The following SDK1 variants were observed in gnomAD, a reference collection of about 807,000 sequenced individuals.
The protein encoded by SDK1 is protein sidekick-1.
A neutral mutation model predicts 245.5 loss-of-function variants in SDK1; 157 were observed. The observed-to-expected ratio is 0.64, with a 90% CI of 0.56 to 0.73. The LOEUF is 0.73. SDK1 is among the 30% of genes least tolerant of loss of function. The pLI is 0.00. For missense variants in SDK1, 3,583 were observed against 3,002.3 expected (o/e 1.19, Z -4.52); for synonymous variants, 1,647 against 1,278.5 (o/e 1.29, Z -6.15).
At chr7:4,157,534 A>G in intron 30 of SDK1, among the ~76,000 whole-genome samples, 1 of 140,654 alleles carries the variant, frequency 7.1e-6, no homozygotes, top group Admixed American at 7.1e-5. Context: ...GGAGGGAGGA[A>G]GGAAGGTGGG....
chr7:3,706,888 T>G (rs1490820134), intron 4 of SDK1, among the ~76,000 whole-genome samples: 5 of 152,250 alleles, frequency 3.3e-5, no homozygotes, highest in Non-Finnish European at 1.5e-5. Flanking sequence ...TTTGTATTTC[T>G]GTGCTGTCAG....
At chr7:3,393,639 T>G (rs1781818092) in intron 1 of SDK1, among the ~76,000 whole-genome samples, 1 of 152,200 alleles carries the variant, frequency 6.6e-6, no homozygotes, top group African/African-American at 2.4e-5. Context: ...TGTGATTCTG[T>G]TGCATTCTTC....
At chr7:3,725,411 G>A (rs1336401605) in intron 4 of SDK1, among the ~76,000 whole-genome samples, 2 of 152,126 alleles carry the variant, frequency 1.3e-5, no homozygotes, top group South Asian at 2.1e-4. Context: ...CTGGCTGTTC[G>A]CCTTGCAATC....
At chr7:3,388,799 G>A (rs73052642) in intron 1 of SDK1, among the ~76,000 whole-genome samples, 13,010 of 152,126 alleles carry the variant, frequency 0.086, 745 homozygotes, top group African/African-American at 0.15. Context: ...CTAAGTCAAC[G>A]TGTGTTTATC....
In SDK1 at chr7:3,395,461, A is replaced by C. The variant is rs1207768817; in HGVS notation, c.298+93577A>C. ...TAATAATTTGTCTCGCTTTGCTATC[A>C]GGGTGTTATTGCATCCCATAATGAG... On this transcript the variant is annotated intron_variant, in intron 1 of 44. Transcript: ENST00000404826. Among the ~76,000 whole-genome samples the C allele has an allele frequency of 2.6e-5, 4 of 151,838 alleles. No homozygotes were observed. In the East Asian group the frequency reaches 5.8e-4, roughly 22 times the overall value.
intron 38 of SDK1, 84 bp downstream of exon 38, chr7:4,210,246 C>T: frequency 7.8e-7 from 1 of 1,284,720 alleles, no homozygotes; most frequent in South Asian, 2.3e-5. Flanking sequence ...CCGCACCTGA[C>T]CGCTTCTGTG....
At chr7:4,190,605 C>T (rs368585120) in intron 35 of SDK1, among the ~76,000 whole-genome samples, 21 of 152,250 alleles carry the variant, frequency 1.4e-4, no homozygotes, top group African/African-American at 3.6e-4. Context: ...CAGGTGCCTC[C>T]GCCGTGGGGG....
intron 4 of SDK1, among the ~76,000 whole-genome samples, chr7:3,657,083 C>T (rs1210376633): frequency 1.3e-5 from 2 of 152,110 alleles, no homozygotes; most frequent in African/African-American, 4.8e-5. Context: ...TACCTTCTCC[C>T]CCACAAAGGA....
At chr7:3,377,580 C>T (rs1405038920) in intron 1 of SDK1, among the ~76,000 whole-genome samples, 1 of 152,006 alleles carries the variant, frequency 6.6e-6, no homozygotes, top group Non-Finnish European at 1.5e-5. Context: ...CCACGACTCC[C>T]CGTCTCTGTG....
intron 5 of SDK1, among the ~76,000 whole-genome samples, chr7:3,843,615 A>G (rs1780209737): frequency 6.6e-6 from 1 of 152,212 alleles, no homozygotes; most frequent in African/African-American, 2.4e-5. Flanking sequence ...GATCTAAAAC[A>G]ATATTATTGT....
chr7:4,066,110 C>T (rs1291007028), intron 19 of SDK1, among the ~76,000 whole-genome samples: 6 of 152,252 alleles, frequency 3.9e-5, no homozygotes, highest in East Asian at 1.9e-4. Context: ...CAGAAACTGA[C>T]GGATGTCTCG....
intron 13 of SDK1, among the ~76,000 whole-genome samples, chr7:3,984,572 A>G (rs1178488916): frequency 1.3e-5 from 2 of 152,128 alleles, no homozygotes; most frequent in Admixed American, 1.3e-4. Flanking sequence ...GAGCCTGTTC[A>G]CATCTTATAG....
At position 4,011,023 on chromosome 7, in the gene SDK1, T is replaced by C. The variant is rs757401784; in HGVS notation, c.2189T>C (p.Val730Ala). 2.5e-6 allele frequency: 4 copies of C among 1,614,070 alleles called. No homozygotes were observed. The African/African-American group carries it at 5.3e-5, about 22-fold the overall frequency. Residue 730 changes from valine (V) to alanine (A), a missense_variant, in exon 15 of 45, where the codon GTG (valine) becomes GCG (alanine). Coordinates refer to ENST00000404826, the MANE Select transcript of SDK1 (RefSeq NM_152744.4). ...GGCCCTGAGATGACAGGCGTCACCG[T>C]GAGTGGCCTGACTCCGGCTCGTACC... ...NVGPEMTGVT[V>A]SGLTPARTYQ... is the part of the protein sequence containing the mutation.
intron 39 of SDK1, 82 bp from the exon 40 acceptor site, chr7:4,221,157 C>G: frequency 6.5e-7 from 1 of 1,539,844 alleles, no homozygotes; most frequent in Non-Finnish European, 8.8e-7. Flanking sequence ...CCGGTCTGAC[C>G]CCCCACTGTG....
chr7:3,463,483 C>G (rs1780896002), intron 1 of SDK1, among the ~76,000 whole-genome samples: 1 of 151,986 alleles, frequency 6.6e-6, no homozygotes, highest in Non-Finnish European at 1.5e-5. Context: ...TGCTTCCTCA[C>G]CTGTTAAATA....
In SDK1 at chr7:4,186,531, C is replaced by T. The variant is rs548980898; in HGVS notation, c.5098+7945C>T. On this transcript the variant is annotated intron_variant, in intron 35 of 44. Transcript: ENST00000404826. ...GTTCCCTCGACCCTTAGCTCGTCCC[C>T]GGAGCCGGCTCGCCTTCCCCACCTG... Among the ~76,000 whole-genome samples the T allele has an allele frequency of 1.5e-4, 23 of 152,310 alleles. No homozygotes were observed. In the South Asian group the frequency reaches 3.7e-3, roughly 25 times the overall value.
At chr7:4,248,740 A>G (rs917321199) in intron 44 of SDK1, among the ~76,000 whole-genome samples, 3 of 152,150 alleles carry the variant, frequency 2.0e-5, no homozygotes, top group African/African-American at 7.2e-5. Flanking sequence ...CCAAATATGT[A>G]CATGCAAAAA....
chr7:3,428,021 G>A (rs1382285888), intron 1 of SDK1, among the ~76,000 whole-genome samples: 2 of 152,040 alleles, frequency 1.3e-5, no homozygotes, highest in African/African-American at 4.8e-5. Context: ...TTTCATCTTT[G>A]CTGCCCAATT....
intron 20 of SDK1, among the ~76,000 whole-genome samples, chr7:4,069,803 G>A (rs1057347805): frequency 2.0e-5 from 3 of 152,320 alleles, no homozygotes; most frequent in East Asian, 3.9e-4. Flanking sequence ...GTGGGATCTC[G>A]TTTTGCTTTC....
Sources: gnomAD v4.1 joint callset for allele counts (sites outside exome capture counted in the v4.1 genomes callset) on GRCh38, gnomAD v4.1.1 for gene constraint, MANE v1.5 for transcripts, NCBI Gene and HGNC (gene_info 2026-07-23, HGNC 2026-07-21) for gene names.